Variants in MDGA2 observed in about 807,000 individuals in gnomAD.
MDGA2 encodes MAM domain containing glycosylphosphatidylinositol anchor 2, also known as MAM domain-containing glycosylphosphatidylinositol anchor protein 2.
A neutral mutation model predicts 117.8 loss-of-function variants in MDGA2; 40 were observed. That is an observed-to-expected ratio of 0.34 (90% confidence interval 0.26 to 0.44). The LOEUF is 0.44. Ranked by LOEUF, MDGA2 falls within the 20% of genes least tolerant of loss-of-function variation. MDGA2 has a pLI of 1.00. For missense variants in MDGA2, 1,123 were observed against 1,250.6 expected (o/e 0.90, Z 1.54); for synonymous variants, 452 against 439.0 (o/e 1.03, Z -0.37).
intron 1 of MDGA2, among the ~76,000 whole-genome samples, chr14:47,366,970 T>A (rs917349791): frequency 6.6e-6 from 1 of 151,738 alleles, no homozygotes; most frequent in Non-Finnish European, 1.5e-5. Context: ...TAAAAAGTAA[T>A]GAGCAGAAAC....
intron 3 of MDGA2, among the ~76,000 whole-genome samples, chr14:47,160,325 C>A (rs1883579872): frequency 6.6e-6 from 1 of 152,044 alleles, no homozygotes; most frequent in Admixed American, 6.6e-5. Flanking sequence ...CTATTTCGGG[C>A]TTTTTTGGTT....
intron 1 of MDGA2, among the ~76,000 whole-genome samples, chr14:47,565,461 G>A (rs1384632758): frequency 6.6e-6 from 1 of 152,140 alleles, no homozygotes; most frequent in South Asian, 2.1e-4. Flanking sequence ...CTGTTATCAG[G>A]CCCCCAGCTT....
intron 1 of MDGA2, among the ~76,000 whole-genome samples, chr14:47,353,483 T>C (rs1479260763): frequency 6.6e-6 from 1 of 152,218 alleles, no homozygotes; most frequent in African/African-American, 2.4e-5. Flanking sequence ...AATTTGTATG[T>C]TGAAGTCCTA....
chr14:46,899,368 G>A (rs1394417914), intron 10 of MDGA2, among the ~76,000 whole-genome samples: 1 of 151,952 alleles, frequency 6.6e-6, no homozygotes, highest in African/African-American at 2.4e-5. Context: ...AATCCAGTCT[G>A]CAATGCCAAA....
chr14:47,027,170 G>GA (rs367869351), intron 8 of MDGA2, among the ~76,000 whole-genome samples: 192 of 147,072 alleles, frequency 1.3e-3, no homozygotes, highest in South Asian at 1.5e-3. Context: ...TCAAAAAATG[G>GA]AAAAAAAAAA....
intron 1 of MDGA2, among the ~76,000 whole-genome samples, chr14:47,569,221 A>G (rs1240618430): frequency 2.0e-5 from 3 of 152,216 alleles, no homozygotes; most frequent in Non-Finnish European, 2.9e-5. Context: ...GTTGAAACTC[A>G]CATTAATACT....
intron 2 of MDGA2, among the ~76,000 whole-genome samples, chr14:47,283,392 C>A (rs147509802): frequency 2.4e-4 from 36 of 152,248 alleles, no homozygotes; most frequent in African/African-American, 7.9e-4. Context: ...CTATTTAATG[C>A]AATAAAATTT....
intron 6 of MDGA2, 65 bp downstream of exon 6, chr14:47,096,789 C>A: frequency 6.7e-7 from 1 of 1,497,282 alleles, no homozygotes; most frequent in Non-Finnish European, 9.2e-7. Context: ...TTATATCAAC[C>A]ATTATTTGCT....
At chr14:47,658,085 T>C (rs1050497278) in intron 1 of MDGA2, among the ~76,000 whole-genome samples, 5 of 152,124 alleles carry the variant, frequency 3.3e-5, no homozygotes, top group Non-Finnish European at 7.3e-5. Flanking sequence ...TTAGGGACAA[T>C]AGCAAAAGTC....
Position 47,351,739 on chromosome 14 carries a change from T to C in MDGA2, c.281-50189A>G, listed in dbSNP as rs553306736. Among the ~76,000 whole-genome samples the C allele has an allele frequency of 6.6e-5, 10 of 152,288 alleles. No individual in the cohort carries two copies. The East Asian group carries it at 1.7e-3, about 26-fold the overall frequency. The stretch of plus-strand genomic sequence containing the variant: ...CCTTTTAATTATTATGATTTGCTAA[T>C]GGATATGGAGCAGAAATCGTTTCAC... On this transcript the variant is annotated intron_variant, in intron 1 of 16. Coordinates refer to ENST00000399232, the MANE Select transcript of MDGA2 (RefSeq NM_001113498.3).
At chr14:46,922,986 C>T (rs954050480) in intron 9 of MDGA2, among the ~76,000 whole-genome samples, 2 of 152,174 alleles carry the variant, frequency 1.3e-5, no homozygotes, top group African/African-American at 4.8e-5. Context: ...TAACTGGCTG[C>T]ATGCCATGAA....
intron 1 of MDGA2, among the ~76,000 whole-genome samples, chr14:47,645,482 C>G (rs1416312905): frequency 6.6e-6 from 1 of 151,898 alleles, no homozygotes; most frequent in African/African-American, 2.4e-5. Flanking sequence ...GATCCGCCCG[C>G]CTCGTCCTCC....
chr14:47,298,407 T>C (rs1889150058), intron 2 of MDGA2, among the ~76,000 whole-genome samples: 1 of 152,164 alleles, frequency 6.6e-6, no homozygotes, highest in African/African-American at 2.4e-5. Flanking sequence ...TCTTTATGAC[T>C]CTTACTGCTA....
intron 9 of MDGA2, among the ~76,000 whole-genome samples, chr14:46,947,727 A>G (rs1294333734): frequency 6.6e-6 from 1 of 152,006 alleles, no homozygotes; most frequent in Non-Finnish European, 1.5e-5. Flanking sequence ...CAGCTACGGA[A>G]CTGTAAGTCC....
chr14:47,136,594 TGCTTTTG>T (rs1419754122), intron 4 of MDGA2, among the ~76,000 whole-genome samples: 2 of 152,342 alleles, frequency 1.3e-5, no homozygotes, highest in East Asian at 3.9e-4. Flanking sequence ...TTTGAGTTAA[TGCTTTTG>T]TCTATTTATA....
At chr14:47,144,457 T>C (rs1338744395) in intron 3 of MDGA2, among the ~76,000 whole-genome samples, 183 bp from the exon 4 acceptor site, 1 of 152,172 alleles carries the variant, frequency 6.6e-6, no homozygotes, top group African/African-American at 2.4e-5. Flanking sequence ...TGATAAGAAG[T>C]ATATTAGTAT....
intron 1 of MDGA2, among the ~76,000 whole-genome samples, chr14:47,466,603 T>C (rs1893609565): frequency 1.3e-5 from 2 of 152,130 alleles, no homozygotes; most frequent in Admixed American, 6.6e-5. Context: ...ATGGGATAAC[T>C]TGATGCCGCC....
chr14:46,939,748 C>T (rs549140623), intron 9 of MDGA2, among the ~76,000 whole-genome samples: 1 of 152,070 alleles, frequency 6.6e-6, no homozygotes, highest in Admixed American at 6.6e-5. Flanking sequence ...ATCATTTTGT[C>T]CTTTCACAGA....
intron 1 of MDGA2, among the ~76,000 whole-genome samples, chr14:47,413,828 T>G (rs995170378): frequency 2.6e-5 from 4 of 151,516 alleles, no homozygotes; most frequent in African/African-American, 9.7e-5. Context: ...GGGAATAGAG[T>G]GAGTTAGCTA....
Sources: allele counts gnomAD v4.1 joint callset (sites outside exome capture counted in the v4.1 genomes callset), GRCh38; gene constraint gnomAD v4.1.1; transcripts MANE v1.5; gene names NCBI Gene and HGNC (gene_info 2026-07-23, HGNC 2026-07-21).